The following DSCAM variants were observed in gnomAD, a reference collection of about 807,000 sequenced individuals.
DSCAM encodes DS cell adhesion molecule.
A neutral mutation model predicts 217.7 loss-of-function variants in DSCAM; 47 were observed. That is an observed-to-expected ratio of 0.22 (90% CI 0.17 to 0.28). The LOEUF (loss-of-function observed/expected upper bound fraction) is 0.28, where lower values mean the gene tolerates loss of function less well. DSCAM is among the 10% of genes least tolerant of loss of function. The pLI, the probability that DSCAM is intolerant of heterozygous loss-of-function variation, is 1.00. For synonymous variants in DSCAM, 1,056 were observed against 1,015.3 expected, an observed-to-expected ratio of 1.04 and a Z score of -0.76; for missense variants, 2,080 against 2,618.3, an observed-to-expected ratio of 0.79 and a Z score of 4.49.
chr21:40,682,055 C>T (rs2090406963), intron 3 of DSCAM, among the ~76,000 whole-genome samples: 1 of 152,104 alleles, frequency 6.6e-6, no homozygotes, highest in South Asian at 2.1e-4. Context: ...TGTTTGAAAC[C>T]AGTCAGTTCA....
chr21:40,090,709 A>G (rs2089597651), intron 21 of DSCAM, among the ~76,000 whole-genome samples: 1 of 152,064 alleles, frequency 6.6e-6, no homozygotes, highest in Non-Finnish European at 1.5e-5. Context: ...TCTCTCAGCC[A>G]ATCTCATTCC....
At chr21:40,818,189 C>T (rs977954011) in intron 1 of DSCAM, among the ~76,000 whole-genome samples, 3 of 151,302 alleles carry the variant, frequency 2.0e-5, no homozygotes, top group Non-Finnish European at 4.4e-5. Flanking sequence ...TCCGCCTGTC[C>T]CTGCAACACT....
chr21:40,099,273 T>A (rs1230782771), intron 20 of DSCAM, among the ~76,000 whole-genome samples: 1 of 152,206 alleles, frequency 6.6e-6, no homozygotes, highest in African/African-American at 2.4e-5. Context: ...ATGGCTAAAA[T>A]CAACAATAAA....
At chr21:40,638,140 C>T (rs965006525) in intron 3 of DSCAM, among the ~76,000 whole-genome samples, 5 of 152,128 alleles carry the variant, frequency 3.3e-5, no homozygotes, top group African/African-American at 1.2e-4. Flanking sequence ...AAGAAATAAA[C>T]CACAGCTCTA....
intron 3 of DSCAM, among the ~76,000 whole-genome samples, chr21:40,380,879 C>T (rs1337712077): frequency 2.6e-5 from 4 of 151,444 alleles, no homozygotes; most frequent in East Asian, 3.9e-4. Flanking sequence ...CTGGCTAACA[C>T]GGTGAAACCC....
chr21:40,273,893 C>A (rs928768498), intron 11 of DSCAM, among the ~76,000 whole-genome samples: 3 of 152,126 alleles, frequency 2.0e-5, no homozygotes, highest in Non-Finnish European at 4.4e-5. Context: ...CCTTTGTGAC[C>A]CAATCACTTT....
intron 1 of DSCAM, among the ~76,000 whole-genome samples, chr21:40,821,091 G>GATATATATATCTTCACATATAT (rs1569053485): frequency 1.5e-5 from 1 of 66,196 alleles, no homozygotes; most frequent in East Asian, 3.1e-4. Context: ...CACATATATA[G>GATATATATATCTTCACATATAT]AGAGATATAT....
At chr21:40,313,079 T>C (rs1221862354) in intron 8 of DSCAM, among the ~76,000 whole-genome samples, 1 of 147,968 alleles carries the variant, frequency 6.8e-6, no homozygotes, top group African/African-American at 2.5e-5. Flanking sequence ...AGGGCACCAG[T>C]GCACTCCAGC....
chr21:40,831,314 C>A (rs562895486), intron 1 of DSCAM, among the ~76,000 whole-genome samples: 1 of 152,130 alleles, frequency 6.6e-6, no homozygotes, highest in African/African-American at 2.4e-5. Context: ...TATGCACACA[C>A]ACACAGGCAC....
intron 3 of DSCAM, among the ~76,000 whole-genome samples, chr21:40,548,665 C>T (rs1473831553): frequency 1.3e-5 from 2 of 152,070 alleles, no homozygotes; most frequent in Non-Finnish European, 2.9e-5. Flanking sequence ...CTTTCCTTCT[C>T]AATTTGCAAA....
rs569203457 is a variant in DSCAM at position 40,042,412 on chromosome 21, C to T, written c.5645G>A (p.Gly1882Glu). 51 of 1,614,204 alleles carry T rather than the reference C, an allele frequency of 3.2e-5. No individual in the cohort carries two copies. The South Asian group carries it at 5.5e-4, about 17-fold the overall frequency. Residue 1882 changes from glycine to glutamate, a missense_variant, in exon 32 of 33, where the codon GGA (glycine) becomes GAA (glutamate). By Grantham distance (98) the Gly-to-Glu change is moderately conservative. Transcript: ENST00000400454. ...TASPPKPQDG[G>E]RVMNMAVPKA... ...TGGAACTGCCATATTCATTACTCTT[C>T]CTCCATCCTGAGGTTTGGGGGGAGA...
chr21:40,330,378 T>C (rs2074365159), intron 8 of DSCAM, among the ~76,000 whole-genome samples: 1 of 138,716 alleles, frequency 7.2e-6, no homozygotes, highest in Non-Finnish European at 1.5e-5. Context: ...TATTTATATA[T>C]GTATTATATA....
chr21:40,223,599 G>A (rs549232040), intron 11 of DSCAM, among the ~76,000 whole-genome samples: 2 of 152,094 alleles, frequency 1.3e-5, no homozygotes, highest in South Asian at 4.2e-4. Context: ...AAACACACAT[G>A]CTCAGACACA....
At chr21:40,760,190 T>C (rs2091318628) in intron 1 of DSCAM, among the ~76,000 whole-genome samples, 1 of 151,756 alleles carries the variant, frequency 6.6e-6, no homozygotes, top group Non-Finnish European at 1.5e-5. Flanking sequence ...TTTTTATTGT[T>C]TTTAGTAGAG....
chr21:40,092,825 C>T (rs1020431436), intron 21 of DSCAM, among the ~76,000 whole-genome samples: 20 of 152,112 alleles, frequency 1.3e-4, no homozygotes, highest in Non-Finnish European at 4.4e-5. Context: ...CCCTTACCAA[C>T]TTACTTATTT....
intron 21 of DSCAM, among the ~76,000 whole-genome samples, chr21:40,091,340 C>T (rs973951095): frequency 3.9e-5 from 6 of 152,112 alleles, no homozygotes; most frequent in African/African-American, 1.4e-4. Context: ...ATGATCAGGT[C>T]CCTGTCTTCC....
chr21:40,496,278 A>T (rs2076117764), intron 3 of DSCAM, among the ~76,000 whole-genome samples: 1 of 152,178 alleles, frequency 6.6e-6, no homozygotes. Flanking sequence ...ATATATACAA[A>T]GCTACAGTAA....
chr21:40,255,645 C>T (rs927796614), intron 11 of DSCAM, among the ~76,000 whole-genome samples: 1 of 152,148 alleles, frequency 6.6e-6, no homozygotes, highest in Admixed American at 6.5e-5. Flanking sequence ...TGCCTTGTGG[C>T]AGAAACAGAA....
intron 1 of DSCAM, among the ~76,000 whole-genome samples, chr21:40,750,448 C>T (rs1045097469): frequency 2.0e-5 from 3 of 152,140 alleles, no homozygotes; most frequent in Non-Finnish European, 2.9e-5. Flanking sequence ...CTGATTTCTA[C>T]GTTTTGAAGG....
Sources: allele counts gnomAD v4.1 joint callset (sites outside exome capture counted in the v4.1 genomes callset), GRCh38; gene constraint gnomAD v4.1.1; transcripts MANE v1.5; gene names NCBI Gene and HGNC (gene_info 2026-07-23, HGNC 2026-07-21).